Variants in VSTM2L observed in about 807,000 individuals in gnomAD.
VSTM2L encodes V-set and transmembrane domain-containing protein 2-like protein.
In VSTM2L, 9 loss-of-function variants were observed where a neutral mutation model predicts 19.9. The ratio of observed to expected loss-of-function variants is 0.45; its 90% CI spans 0.27 to 0.79. VSTM2L has a LOEUF of 0.79. VSTM2L is among the 30% of genes least tolerant of loss of function. The pLI, the probability that VSTM2L is intolerant of heterozygous loss-of-function variation, is 0.15. For missense variants in VSTM2L, 286 were observed against 295.5 expected, an observed-to-expected ratio of 0.97 and a Z score of 0.24; for synonymous variants, 127 against 133.8, an observed-to-expected ratio of 0.95 and a Z score of 0.35.
At chr20:37,943,851 T>A in intron 3 of VSTM2L, 130 bp from the exon 4 acceptor site, 1 of 986,394 alleles carries the variant, frequency 1.0e-6, no homozygotes, top group Non-Finnish European at 1.4e-6. Context: ...TGTGCAAACC[T>A]CGGTGGGCCC....
intron 1 of VSTM2L, among the ~76,000 whole-genome samples, chr20:37,914,153 GTGTA>G (rs1476339303): frequency 5.9e-5 from 9 of 151,870 alleles, no homozygotes; most frequent in South Asian, 2.1e-4. Context: ...GTGTGCGTGT[GTGTA>G]TGTGTGTGGT....
chr20:37,916,720 T>C (rs1456890151), intron 1 of VSTM2L, among the ~76,000 whole-genome samples: 3 of 152,220 alleles, frequency 2.0e-5, no homozygotes, highest in Non-Finnish European at 4.4e-5. Flanking sequence ...GGATATTTTA[T>C]TGTATTAAAG....
intron 1 of VSTM2L, among the ~76,000 whole-genome samples, chr20:37,921,578 C>T (rs935573393): frequency 1.3e-5 from 2 of 152,172 alleles, no homozygotes; most frequent in African/African-American, 2.4e-5. Flanking sequence ...TAACTAGAAT[C>T]TCCATCTTCA....
Position 37,944,225 on chromosome 20 carries a change from C to A in VSTM2L, c.587C>A (p.Ser196Ter). 1 of 1,521,148 alleles carries A rather than the reference C, an allele frequency of 6.6e-7. No individual in the cohort carries two copies. The highest frequency in any genetic ancestry group is 8.9e-7 in the Non-Finnish European group (1 of 1,129,210). 94.2% of individuals were successfully genotyped at this position (1,521,148 alleles called of 1,614,324 possible). Residue 196 changes from serine (S) to a stop codon, truncating the protein, a stop_gained, in exon 4 of 4, where the codon TCG becomes TAG. Coordinates refer to ENST00000373461, the MANE Select transcript of VSTM2L (RefSeq NM_080607.3). LOFTEE classifies it high-confidence loss of function. ...CCAGGCAAGGAGCTGAGGAAGCGCT[C>A]GGTGGACCAGGAGGCCTGCAGCCTC... Reference protein sequence around the residue: ...PKPGKELRKRSVDQEACSL With the variant: ...PKPGKELRKR
At chr20:37,909,762 C>T (rs772217857) in intron 1 of VSTM2L, among the ~76,000 whole-genome samples, 4 of 152,082 alleles carry the variant, frequency 2.6e-5, no homozygotes, top group Non-Finnish European at 5.9e-5. Context: ...GTCCAAGGGT[C>T]GCGCCCTTCT....
intron 1 of VSTM2L, among the ~76,000 whole-genome samples, chr20:37,925,656 G>A (rs534008244): frequency 1.3e-5 from 2 of 152,244 alleles, no homozygotes; most frequent in Non-Finnish European, 2.9e-5. Flanking sequence ...CTTCACTACC[G>A]AGGTCAGAGT....
rs576843485 is a variant in VSTM2L at position 37,944,617 on chromosome 20, C to T, written c.*364C>T. The T allele has an allele frequency of 1.6e-4, 162 of 1,038,308 alleles. No individual in the cohort carries two copies. In the Middle Eastern group the frequency reaches 4.6e-3, roughly 29 times the overall value. The allele number at this position is 1,038,308 out of a possible 1,614,324, so 64.3% of individuals were successfully genotyped here. A position where few individuals can be genotyped will look rare whatever the true frequency, so the allele number is the denominator to read the frequency against. On this transcript the variant is annotated 3_prime_UTR_variant, in exon 4 of 4. Transcript: ENST00000373461. ...GCTTGTCCCCCATCCTGTCCTGAGC[C>T]GGGGCCCCCCAGCCTCGCCTCCCTC... is the stretch of plus-strand genomic sequence containing the variant.
At chr20:37,940,046 C>T (rs1442905671) in intron 3 of VSTM2L, among the ~76,000 whole-genome samples, 2 of 152,190 alleles carry the variant, frequency 1.3e-5, no homozygotes, top group African/African-American at 2.4e-5. Flanking sequence ...GGCTGGGCCT[C>T]GCTTGGTGCT....
chr20:37,911,432 C>G (rs1257305495), intron 1 of VSTM2L, among the ~76,000 whole-genome samples: 1 of 152,102 alleles, frequency 6.6e-6, no homozygotes, highest in Non-Finnish European at 1.5e-5. Context: ...GGAGCAAAGA[C>G]TGTTGAAGTA....
chr20:37,923,021 T>G (rs2072860878), intron 1 of VSTM2L, among the ~76,000 whole-genome samples: 1 of 152,024 alleles, frequency 6.6e-6, no homozygotes, highest in South Asian at 2.1e-4. Context: ...GAGAAAGGAG[T>G]GCTGTTTATT....
chr20:37,931,717 CT>C lies in VSTM2L; in HGVS notation c.205del (p.Ser69ProfsTer30), dbSNP rs752872269. 2 of 1,613,822 alleles carry C rather than the reference CT, an allele frequency of 1.2e-6. No homozygotes were observed. Among genetic ancestry groups the C allele is most frequent in the Non-Finnish European group, 1.7e-6 (2 of 1,180,030 alleles). On this transcript the variant is annotated frameshift_variant, in exon 2 of 4. Coordinates refer to ENST00000373461, the MANE Select transcript of VSTM2L (RefSeq NM_080607.3). LOFTEE classifies it high-confidence loss of function. ...EMACSFRGSG[S>X]PSYSLEIQWW... ...TGGCCTGCTCCTTCCGCGGCAGCGGCTCCCCCTCCTACTCGCTGGAGATCCA... is the reference window on the plus strand; with the variant it reads ...TGGCCTGCTCCTTCCGCGGCAGCGGCCCCCCTCCTACTCGCTGGAGATCCA...
At chr20:37,933,061 C>T (rs543205451) in intron 2 of VSTM2L, among the ~76,000 whole-genome samples, 1 of 152,366 alleles carries the variant, frequency 6.6e-6, no homozygotes, top group African/African-American at 2.4e-5. Context: ...TTGCAGGTAT[C>T]TGCGGTTGGA....
intron 3 of VSTM2L, among the ~76,000 whole-genome samples, chr20:37,934,523 G>C (rs777089595): frequency 6.6e-6 from 1 of 152,202 alleles, no homozygotes; most frequent in Admixed American, 6.5e-5. Context: ...GCGTGTGTGC[G>C]TGCATGCTTG....
intron 3 of VSTM2L, 51 bp from the exon 4 acceptor site, chr20:37,943,930 C>A: frequency 1.0e-5 from 3 of 295,772 alleles, no homozygotes; most frequent in Non-Finnish European, 1.5e-5. Context: ...GACTCTTCTT[C>A]TCCCCCACTG....
In VSTM2L at chr20:37,903,400, T is replaced by A; in HGVS notation, c.50T>A (p.Leu17His). The stretch of plus-strand genomic sequence containing the variant: ...CTGGGCGCCCTCCACTACCTGGCAC[T>A]TTTCCTGCAACTCGGCGGCGCCACG... ...VALGALHYLA[L>H]FLQLGGATRP... is the part of the protein sequence containing the mutation. Residue 17 changes from leucine (L) to histidine (H), a missense_variant, in exon 1 of 4, where the codon CTT becomes CAT. By Grantham distance (99) the Leu-to-His change is moderately conservative. Transcript: ENST00000373461. The A allele has an allele frequency of 1.3e-6, 2 of 1,490,614 alleles. No individual in the cohort carries two copies. The highest frequency in any genetic ancestry group is 1.8e-6 in the Non-Finnish European group (2 of 1,126,530). The allele number at this position is 1,490,614 out of a possible 1,614,324, so 92.3% of individuals were successfully genotyped here.
chr20:37,922,560 G>A lies in VSTM2L; in HGVS notation c.122-9075G>A, dbSNP rs182401943. On this transcript the variant is annotated intron_variant, in intron 1 of 3. Coordinates refer to ENST00000373461, the MANE Select transcript of VSTM2L (RefSeq NM_080607.3). ...TGCCTTGGTTTTCCTGAATAGAGCT[G>A]CCCCTGCCACCAGTCCCCAAGGGGA... is the stretch of plus-strand genomic sequence containing the variant. Among the ~76,000 whole-genome samples the A allele has an allele frequency of 1.9e-3, 287 of 152,216 alleles. 1 individual carries two copies. The highest frequency in any genetic ancestry group is 3.6e-3 in the Non-Finnish European group (242 of 68,010).
chr20:37,908,952 T>C (rs1299897211), intron 1 of VSTM2L, among the ~76,000 whole-genome samples: 1 of 152,100 alleles, frequency 6.6e-6, no homozygotes, highest in Non-Finnish European at 1.5e-5. Flanking sequence ...GGGCCCACTG[T>C]TTAGATGAAG....
intron 3 of VSTM2L, 72 bp from the exon 4 acceptor site, chr20:37,943,908 AC>A (rs11365082): frequency 0.22 from 38,900 of 177,806 alleles, 3,724 homozygotes; most frequent in Admixed American, 0.26. Context: ...CGATCTTGGG[AC>A]CCCCCCCCCC....
chr20:37,910,565 T>C (rs1349351501), intron 1 of VSTM2L, among the ~76,000 whole-genome samples: 2 of 152,312 alleles, frequency 1.3e-5, no homozygotes, highest in South Asian at 2.1e-4. Context: ...AGGTTCTTGC[T>C]CTCTTAGAGT....
Sources: gnomAD v4.1 joint callset for allele counts (sites outside exome capture counted in the v4.1 genomes callset) on GRCh38, gnomAD v4.1.1 for gene constraint, MANE v1.5 for transcripts, NCBI Gene and HGNC (gene_info 2026-07-23, HGNC 2026-07-21) for gene names.